Variants in CMIP observed in about 807,000 individuals in gnomAD.
CMIP encodes the protein c-Maf inducing protein.
A neutral mutation model predicts 97.3 loss-of-function variants in CMIP; 13 were observed. That is an observed-to-expected ratio of 0.13 (90% CI 0.09 to 0.21). CMIP has a LOEUF of 0.21. CMIP is among the 10% of genes least tolerant of loss of function. The pLI, the probability that CMIP is intolerant of heterozygous loss-of-function variation, is 1.00. For synonymous variants in CMIP, 538 were observed against 436.3 expected (o/e 1.23, Z -2.91); for missense variants, 847 against 1,024.9 (o/e 0.83, Z 2.37).
At chr16:81,646,468 T>A (rs189579502) in intron 3 of CMIP, among the ~76,000 whole-genome samples, 1,793 of 152,320 alleles carry the variant, frequency 0.012, 9 homozygotes, top group Non-Finnish European at 0.018. Context: ...ATAGCATTTT[T>A]AAAAAATAGC....
At chr16:81,567,226 C>G (rs146367018) in intron 1 of CMIP, among the ~76,000 whole-genome samples, 198 of 152,386 alleles carry the variant, frequency 1.3e-3, no homozygotes, top group African/African-American at 4.5e-3. Context: ...GGCGGAAACC[C>G]CGCACCACGG....
chr16:81,455,159 G>A (rs891944159), intron 1 of CMIP, among the ~76,000 whole-genome samples: 1 of 152,184 alleles, frequency 6.6e-6, no homozygotes, highest in East Asian at 1.9e-4. Flanking sequence ...CCAGCCGGGA[G>A]CCCGGGATGT....
chr16:81,497,674 C>A (rs2089516564), intron 1 of CMIP, among the ~76,000 whole-genome samples: 2 of 152,256 alleles, frequency 1.3e-5, no homozygotes, highest in Admixed American at 6.5e-5. Context: ...AACCCCAAAT[C>A]CCACAGGACT....
At chr16:81,517,176 G>C (rs1000175428) in intron 1 of CMIP, among the ~76,000 whole-genome samples, 4 of 149,780 alleles carry the variant, frequency 2.7e-5, no homozygotes, top group Non-Finnish European at 1.5e-5. Flanking sequence ...CGGCCTCCAA[G>C]GTCATCAGTG....
chr16:81,676,819 C>T (rs1456254841), intron 9 of CMIP, among the ~76,000 whole-genome samples: 2 of 152,200 alleles, frequency 1.3e-5, no homozygotes, highest in African/African-American at 4.8e-5. Context: ...ACCCCTTCCC[C>T]CAGCTGCAAC....
At chr16:81,563,677 G>A (rs1451271502) in intron 1 of CMIP, among the ~76,000 whole-genome samples, 5 of 152,198 alleles carry the variant, frequency 3.3e-5, no homozygotes, top group African/African-American at 1.2e-4. Context: ...CTTGCTTGGC[G>A]TGTTCTCTTA....
chr16:81,606,589 G>A (rs12716918), intron 1 of CMIP, among the ~76,000 whole-genome samples: 1 of 151,920 alleles, frequency 6.6e-6, no homozygotes, highest in Non-Finnish European at 1.5e-5. Flanking sequence ...TACTAATAGC[G>A]TTTCTCATTC....
At chr16:81,471,509 T>A (rs892542827) in intron 1 of CMIP, among the ~76,000 whole-genome samples, 1 of 152,074 alleles carries the variant, frequency 6.6e-6, no homozygotes, top group East Asian at 1.9e-4. Context: ...CATATACACA[T>A]GTGCAGACAT....
intron 3 of CMIP, among the ~76,000 whole-genome samples, chr16:81,651,885 A>C (rs2092432641): frequency 6.6e-6 from 1 of 152,192 alleles, no homozygotes; most frequent in African/African-American, 2.4e-5. Context: ...CGGTTTCTTC[A>C]TCCTTTTAGC....
intron 4 of CMIP, among the ~76,000 whole-genome samples, chr16:81,657,235 T>G (rs955787659): frequency 1.3e-5 from 2 of 152,196 alleles, no homozygotes; most frequent in Non-Finnish European, 2.9e-5. Flanking sequence ...TGCTAGAATT[T>G]GAATTCAGCT....
chr16:81,459,952 C>T (rs1392298693), intron 1 of CMIP, among the ~76,000 whole-genome samples: 1 of 152,220 alleles, frequency 6.6e-6, no homozygotes, highest in African/African-American at 2.4e-5. Context: ...CAAACCAAAC[C>T]CATGGACCAA....
rs1436006883 is a variant in CMIP at position 81,621,218 on chromosome 16, CT to C, written c.477+293del. 7.2e-6 allele frequency: 2 copies of C among 277,666 alleles called. No homozygotes were observed. Among genetic ancestry groups the C allele is most frequent in the Admixed American group, 4.7e-5 (1 of 21,116 alleles). 17.2% of individuals were successfully genotyped at this position (277,666 alleles called of 1,614,324 possible). Reference sequence around the variant, plus strand: ...GCTTGCTCTCAGAGTGAGGGCGACCCTGAGGGGAGTCCAGCCGGGGAGGCTG... The same window carrying C: ...GCTTGCTCTCAGAGTGAGGGCGACCCGAGGGGAGTCCAGCCGGGGAGGCTG... On this transcript the variant is annotated intron_variant, in intron 3 of 20. Transcript: ENST00000537098. This position sits in a 1 kb window ranked among gnomAD's most constrained non-coding sequence, Gnocchi z 4.1.
Position 81,707,033 on chromosome 16 carries a change from T to C in CMIP, c.2217T>C (p.Ser739=), listed in dbSNP as rs1256460180. 1 of 1,613,694 alleles carries C rather than the reference T, an allele frequency of 6.2e-7. No homozygotes were observed. The highest frequency in any genetic ancestry group is 8.5e-7 in the Non-Finnish European group (1 of 1,179,764). ...GTGCAGCCATGAAGAGTCTCTGCAG[T>C]TTAAACATGAACAGCACCAAGCTCT... ...LALSSMKSLC[S]LNMNSTKLSA... The change falls in exon 20 of 21, where the codon AGT becomes AGC. Residue 739 remains serine (S), a synonymous_variant. Coordinates refer to ENST00000537098, the MANE Select transcript of CMIP (RefSeq NM_198390.3).
rs1908583827 is a variant in CMIP at position 81,709,998 on chromosome 16, C to T, written c.*199C>T. 2.2e-6 allele frequency: 1 copy of T among 445,652 alleles called. No homozygotes were observed. Among genetic ancestry groups the T allele is most frequent in the Non-Finnish European group, 4.1e-6 (1 of 244,212 alleles). 27.6% of individuals were successfully genotyped at this position (445,652 alleles called of 1,614,324 possible). A position where few individuals can be genotyped will look rare whatever the true frequency, so the allele number is the denominator to read the frequency against. On this transcript the variant is annotated 3_prime_UTR_variant, in exon 21 of 21. Coordinates refer to ENST00000537098, the MANE Select transcript of CMIP (RefSeq NM_198390.3). ...CCCAGCCCCCGCCGAATTCTTTTAG[C>T]TTCGTAATTGGAACCTTTGACCTGA...
Position 81,493,629 on chromosome 16 carries a change from G to C in CMIP, c.300+48088G>C, listed in dbSNP as rs116093119. On this transcript the variant is annotated intron_variant, in intron 1 of 20. Transcript: ENST00000537098. Reference sequence around the variant, plus strand: ...TCCGGCAGTGTGGCGAGTTAGGTCTGCTCGTTCCCACTCTCCGCATGGGAA... The same window carrying C: ...TCCGGCAGTGTGGCGAGTTAGGTCTCCTCGTTCCCACTCTCCGCATGGGAA... Among the ~76,000 whole-genome samples the C allele has an allele frequency of 5.3e-3, 814 of 152,350 alleles. 8 individuals are homozygous for C. Among genetic ancestry groups the C allele is most frequent in the African/African-American group, 0.019 (779 of 41,582 alleles).
At chr16:81,659,032 A>C (rs1299595065) in intron 5 of CMIP, among the ~76,000 whole-genome samples, 1 of 152,194 alleles carries the variant, frequency 6.6e-6, no homozygotes, top group Admixed American at 6.5e-5. Flanking sequence ...GTGGGCTCTC[A>C]GTGGGTGTTT....
intron 1 of CMIP, among the ~76,000 whole-genome samples, chr16:81,586,370 ATAG>A (rs1285669366): frequency 6.6e-6 from 1 of 152,112 alleles, no homozygotes; most frequent in African/African-American, 2.4e-5. Context: ...CGAAACAGCG[ATAG>A]TAGAAAGAGA....
In CMIP at chr16:81,515,973, C is replaced by T. The variant is rs2966096; in HGVS notation, c.300+70432C>T. 6.1e-3 allele frequency among the ~76,000 whole-genome samples: 922 copies of T among 152,304 alleles called. 13 individuals carry two copies. Among genetic ancestry groups the T allele is most frequent in the African/African-American group, 0.021 (879 of 41,566 alleles). On this transcript the variant is annotated intron_variant, in intron 1 of 20. Transcript: ENST00000537098. ...ACGGACCCTATGGCCTGTCCTCTGT[C>T]GGCGCTTCCAGCCCCTGGGCCTCAG...
At chr16:81,563,636 A>G (rs1009733810) in intron 1 of CMIP, among the ~76,000 whole-genome samples, 2 of 152,328 alleles carry the variant, frequency 1.3e-5, no homozygotes, top group Admixed American at 1.3e-4. Context: ...CATATTGAGC[A>G]TGATGCTGTT....
Sources: allele counts gnomAD v4.1 joint callset (sites outside exome capture counted in the v4.1 genomes callset), GRCh38; gene constraint gnomAD v4.1.1; non-coding constraint Gnocchi (gnomAD v3.1); transcripts MANE v1.5; gene names NCBI Gene and HGNC (gene_info 2026-07-23, HGNC 2026-07-21).